KLHL1: variants seen among roughly 807,000 people sequenced by gnomAD.
KLHL1 encodes kelch like family member 1, also known as kelch-like protein 1.
A neutral mutation model predicts 77.7 loss-of-function variants in KLHL1; 47 were observed. That is an observed-to-expected ratio of 0.60 (90% CI 0.48 to 0.77). The LOEUF (loss-of-function observed/expected upper bound fraction) is 0.77, where lower values mean the gene tolerates loss of function less well. KLHL1 is among the 30% of genes least tolerant of loss of function. KLHL1 has a pLI of 0.00. For synonymous variants in KLHL1, 360 were observed against 325.2 expected, an observed-to-expected ratio of 1.11 and a Z score of -1.15; for missense variants, 925 against 910.8, an observed-to-expected ratio of 1.02 and a Z score of -0.20.
chr13:70,049,692 A>C (rs1322587244), intron 1 of KLHL1, among the ~76,000 whole-genome samples: 2 of 152,320 alleles, frequency 1.3e-5, no homozygotes, highest in East Asian at 3.9e-4. Context: ...TAATAAACTT[A>C]GAAGTAAAAA....
chr13:69,911,932 A>G (rs1882253105), intron 4 of KLHL1, among the ~76,000 whole-genome samples: 1 of 152,186 alleles, frequency 6.6e-6, no homozygotes, highest in Admixed American at 6.5e-5. Flanking sequence ...AATTTAAATA[A>G]CACGAAGAGT....
chr13:69,986,252 T>C (rs972368699), intron 1 of KLHL1, among the ~76,000 whole-genome samples: 13 of 151,918 alleles, frequency 8.6e-5, no homozygotes, highest in Non-Finnish European at 1.2e-4. Flanking sequence ...ATAAGTTCTG[T>C]TGTTCCGTTG....
At chr13:69,818,144 G>GGGGAGCTAGAAGT (rs1277557466) in intron 6 of KLHL1, among the ~76,000 whole-genome samples, 1 of 151,520 alleles carries the variant, frequency 6.6e-6, no homozygotes, top group Non-Finnish European at 1.5e-5. Flanking sequence ...CATGGCTTCT[G>GGGGAGCTAGAAGT]GGGAGCTAGA....
intron 1 of KLHL1, among the ~76,000 whole-genome samples, chr13:69,991,888 T>G (rs1198624005): frequency 6.6e-6 from 1 of 152,076 alleles, no homozygotes; most frequent in Non-Finnish European, 1.5e-5. Flanking sequence ...TATGAATTAT[T>G]TTAAATTATT....
intron 4 of KLHL1, among the ~76,000 whole-genome samples, chr13:69,886,849 G>T (rs1223605484): frequency 6.6e-6 from 1 of 152,058 alleles, no homozygotes; most frequent in African/African-American, 2.4e-5. Flanking sequence ...CCTAGTCACG[G>T]TTCTAAGCAT....
In KLHL1 at chr13:69,884,138, T is replaced by A. The variant is rs77316700; in HGVS notation, c.1015-1643A>T. Reference sequence around the variant, plus strand: ...GAAACCTGGTCTGTGTTACAGTATGTCCTTGGAACTGAAGTAACTTCAGCT... The same window carrying A: ...GAAACCTGGTCTGTGTTACAGTATGACCTTGGAACTGAAGTAACTTCAGCT... On this transcript the variant is annotated intron_variant, in intron 4 of 10. Coordinates refer to ENST00000377844, the MANE Select transcript of KLHL1 (RefSeq NM_020866.3). Among the ~76,000 whole-genome samples, 776 of 152,302 alleles carry A rather than the reference T, an allele frequency of 5.1e-3. 6 individuals are homozygous for A. Among genetic ancestry groups the A allele is most frequent in the African/African-American group, 0.017 (703 of 41,556 alleles).
At chr13:69,857,418 C>T (rs1433150804) in intron 5 of KLHL1, among the ~76,000 whole-genome samples, 7 of 151,998 alleles carry the variant, frequency 4.6e-5, no homozygotes, top group Admixed American at 4.6e-4. Context: ...TCTCTGTCTC[C>T]CCCTAGTGGA....
chr13:69,948,572 G>T (rs539464784), intron 3 of KLHL1, among the ~76,000 whole-genome samples: 2 of 152,000 alleles, frequency 1.3e-5, no homozygotes, highest in South Asian at 4.2e-4. Flanking sequence ...TTAAGTAAAT[G>T]CTAAGGCCAC....
In KLHL1 at chr13:70,070,915, T is replaced by A. The variant is rs1440281489; in HGVS notation, c.497+36288A>T. On this transcript the variant is annotated intron_variant, in intron 1 of 10. Coordinates refer to ENST00000377844, the MANE Select transcript of KLHL1 (RefSeq NM_020866.3). ...GGAAACCATTTTTTTTAAAGAACTA[T>A]AATTGATAGACTAATAGAGGAGAAA... Among the ~76,000 whole-genome samples, 7 of 151,896 alleles carry A rather than the reference T, an allele frequency of 4.6e-5. No homozygotes were observed. In the East Asian group the frequency reaches 1.3e-3, roughly 29 times the overall value.
chr13:69,883,679 C>G (rs1033874933), intron 4 of KLHL1, among the ~76,000 whole-genome samples: 1 of 152,178 alleles, frequency 6.6e-6, no homozygotes, highest in African/African-American at 2.4e-5. Context: ...TACATATTTG[C>G]TGAATACATG....
chr13:69,973,156 C>G (rs1256459279), intron 2 of KLHL1, among the ~76,000 whole-genome samples: 3 of 151,734 alleles, frequency 2.0e-5, no homozygotes, highest in Non-Finnish European at 4.4e-5. Flanking sequence ...TAAAAATATG[C>G]CTAACAGTAA....
At chr13:69,734,351 T>C (rs1873680081) in intron 8 of KLHL1, among the ~76,000 whole-genome samples, 1 of 152,132 alleles carries the variant, frequency 6.6e-6, no homozygotes, top group South Asian at 2.1e-4. Flanking sequence ...CCTGAAGAAG[T>C]GACAGCCAAG....
At chr13:70,089,424 AG>A (rs1887621648) in intron 1 of KLHL1, among the ~76,000 whole-genome samples, 1 of 152,190 alleles carries the variant, frequency 6.6e-6, no homozygotes. Context: ...TAATATTCAA[AG>A]CATGTTGGCT....
chr13:69,761,456 A>C (rs992478089), intron 7 of KLHL1, among the ~76,000 whole-genome samples: 1 of 152,190 alleles, frequency 6.6e-6, no homozygotes, highest in African/African-American at 2.4e-5. Flanking sequence ...AACTTGATGT[A>C]AGGAGGTGGA....
intron 4 of KLHL1, among the ~76,000 whole-genome samples, chr13:69,918,346 C>T (rs780944550): frequency 4.6e-5 from 7 of 151,754 alleles, no homozygotes; most frequent in African/African-American, 9.6e-5. Context: ...TAAAACATTA[C>T]GAAGAGTGAT....
chr13:70,105,323 C>A (rs990066181), intron 1 of KLHL1, among the ~76,000 whole-genome samples: 2 of 151,716 alleles, frequency 1.3e-5, no homozygotes, highest in African/African-American at 4.8e-5. Context: ...ATTATAATTT[C>A]TTAAGTCACT....
chr13:69,851,021 C>T (rs1198471066), intron 5 of KLHL1, among the ~76,000 whole-genome samples: 1 of 151,606 alleles, frequency 6.6e-6, no homozygotes. Context: ...GCCTTATCTT[C>T]AACATGTTCT....
chr13:69,905,231 A>G (rs889741560), intron 4 of KLHL1, among the ~76,000 whole-genome samples: 10 of 152,142 alleles, frequency 6.6e-5, no homozygotes, highest in African/African-American at 2.4e-4. Context: ...ATGTGGTGTG[A>G]AGACCACTTG....
intron 3 of KLHL1, among the ~76,000 whole-genome samples, chr13:69,943,210 GTT>G (rs778771977): frequency 4.0e-5 from 6 of 151,846 alleles, no homozygotes; most frequent in Non-Finnish European, 7.4e-5. Flanking sequence ...GTCATACAAT[GTT>G]TTAGGCAGTA....
Sources: allele counts gnomAD v4.1 joint callset (sites outside exome capture counted in the v4.1 genomes callset), GRCh38; gene constraint gnomAD v4.1.1; transcripts MANE v1.5; gene names NCBI Gene and HGNC (gene_info 2026-07-23, HGNC 2026-07-21).